ZBED1: variants seen among roughly 807,000 people sequenced by gnomAD.
ZBED1 encodes the protein zinc finger BED-type containing 1.
ZBED1 carries 19 observed loss-of-function variants against 49.7 expected under a neutral mutation model. The ratio of observed to expected loss-of-function variants is 0.38; its 90% CI spans 0.27 to 0.56. The LOEUF is 0.56. Ranked by LOEUF, ZBED1 falls within the 20% of genes least tolerant of loss-of-function variation. The pLI is 0.70. For missense variants in ZBED1, 806 were observed against 972.6 expected (o/e 0.83, Z 2.28); for synonymous variants, 439 against 440.3 (o/e 1.00, Z 0.04).
Position 2,488,363 on chromosome X carries a change from CG to C in ZBED1, c.*271del, listed in dbSNP as rs1366881447. ...CTAATTTTTGTATTTTTAGTAGAGA[CG>C]GGGTTTCGCCATGTTGGCCAGGCTG... On this transcript the variant is annotated 3_prime_UTR_variant, in exon 2 of 2. Transcript: ENST00000652001. 1.8e-4 allele frequency: 78 copies of C among 424,394 alleles called. No individual in the cohort carries two copies. The highest frequency in any genetic ancestry group is 3.0e-4 in the Non-Finnish European group (73 of 243,656). The allele number at this position is 424,394 out of a possible 1,614,324, so 26.3% of individuals were successfully genotyped here.
At position 2,488,728 on chromosome X, in the gene ZBED1, C is replaced by A. The variant is rs760406358; in HGVS notation, c.1992G>T (p.Glu664Asp). 5.0e-6 allele frequency: 8 copies of A among 1,613,970 alleles called. No individual in the cohort carries two copies. The South Asian group carries it at 5.5e-5, about 11-fold the overall frequency. The change falls in exon 2 of 2, where the codon GAG becomes GAT. Residue 664 changes from glutamate (E) to aspartate (D), a missense_variant. By Grantham distance (45) the Glu-to-Asp change is conservative. This residue lies in a region of ZBED1 where 749 missense variants were observed against 861.3 expected (regional missense o/e 0.87). Coordinates refer to ENST00000652001, the MANE Select transcript of ZBED1 (RefSeq NM_001171136.2). ...GCTCCTGGTCCAGGCCCCACTCCCC[C>A]TCGTCCTGGTCCTCGGGTTCCGCCT... ...GAEAEPEDQD[E>D]GEWGLDQEQV... is the part of the protein sequence containing the mutation.
chrX:2,492,785 C>T (rs1256689973), intron 1 of ZBED1, among the ~76,000 whole-genome samples: 4 of 152,204 alleles, frequency 2.6e-5, no homozygotes, highest in African/African-American at 9.7e-5. Flanking sequence ...GGAGGGAGCG[C>T]AGCCCTGAGA....
Position 2,489,141 on chromosome X carries a change from G to A in ZBED1, c.1579C>T (p.Pro527Ser), listed in dbSNP as rs2045045816. 2 of 1,613,486 alleles carry A rather than the reference G, an allele frequency of 1.2e-6. No homozygotes were observed. The highest frequency in any genetic ancestry group is 2.2e-5 in the East Asian group (1 of 44,894). Reference sequence around the variant, plus strand: ...GTCCGCATGAGCTTCTTGACGGGAGGCTCCTCGGGCACCGGGAAGATCTTG... The same window carrying A: ...GTCCGCATGAGCTTCTTGACGGGAGACTCCTCGGGCACCGGGAAGATCTTG... ...EDKIFPVPEE[P>S]PVKKLMRTST... Residue 527 changes from proline (P) to serine (S), a missense_variant, in exon 2 of 2, where the codon CCT (proline) becomes TCT (serine). Around this residue, in one of 2 missense-constraint regions of ZBED1, gnomAD observed 749 missense variants for 861.3 expected, o/e 0.87. Coordinates refer to ENST00000652001, the MANE Select transcript of ZBED1 (RefSeq NM_001171136.2).
At position 2,489,311 on chromosome X, in the gene ZBED1, T is replaced by C; in HGVS notation, c.1409A>G (p.Asn470Ser). The C allele has an allele frequency of 1.2e-6, 2 of 1,613,852 alleles. No homozygotes were observed. The highest frequency in any genetic ancestry group is 1.1e-5 in the South Asian group (1 of 91,046). ...GCGGGGGTCCAGGAAGGTGGCCACG[T>C]TGAGAAACATGTCGATCTCGGGCGT... Reference protein sequence around the residue: ...QETPEIDMFLNVATFLDPRYK... With the variant: ...QETPEIDMFLSVATFLDPRYK... Residue 470 changes from asparagine (N) to serine (S), a missense_variant, in exon 2 of 2, where the codon AAC becomes AGC. Physicochemically the swap from Asn to Ser is conservative, Grantham distance 46 (BLOSUM62 1). Coordinates refer to ENST00000652001, the MANE Select transcript of ZBED1 (RefSeq NM_001171136.2).
chrX:2,499,677 T>C (rs1467724092), intron 1 of ZBED1, among the ~76,000 whole-genome samples: 4 of 151,728 alleles, frequency 2.6e-5, no homozygotes, highest in African/African-American at 9.7e-5. Flanking sequence ...GGGACCCAGG[T>C]AGGAGGATTG....
chrX:2,490,617 C>A lies in ZBED1; in HGVS notation c.103G>T (p.Ala35Ser). 3 of 1,613,946 alleles carry A rather than the reference C, an allele frequency of 1.9e-6. No individual in the cohort carries two copies. The highest frequency in any genetic ancestry group is 2.5e-6 in the Non-Finnish European group (3 of 1,179,872). ...TTCCACTGCAGGATGCATCCCTCGG[C>A]GTTGGTGTCGAAGCCGAAATACTTC... ...VWKYFGFDTN[A>S]EGCILQWKKI... The change falls in exon 2 of 2, where the codon GCC becomes TCC. Residue 35 changes from alanine to serine, a missense_variant. Transcript: ENST00000652001.
In ZBED1 at chrX:2,500,899, C is replaced by T; in HGVS notation, c.-136G>A. The T allele has an allele frequency of 8.9e-7, 1 of 1,126,698 alleles. No homozygotes were observed. The highest frequency in any genetic ancestry group is 5.1e-5 in the East Asian group (1 of 19,436). The allele number at this position is 1,126,698 out of a possible 1,614,324, so 69.8% of individuals were successfully genotyped here. On this transcript the variant is annotated 5_prime_UTR_variant, in exon 1 of 2. Transcript: ENST00000652001. ...CGCCTACCGCGTAGACCCGCAGGGC[C>T]GCCCGCGCCGCAGACAATGGCGACA...
Position 2,487,211 on chromosome X carries a change from T to C in ZBED1, c.*1424A>G, listed in dbSNP as rs761605657. On this transcript the variant is annotated 3_prime_UTR_variant, in exon 2 of 2. Coordinates refer to ENST00000652001, the MANE Select transcript of ZBED1 (RefSeq NM_001171136.2). ...TCCGGGGGCAATATTTTAAAATTCATTTCCCCTATGGTATTCAGTTTAAAA... is the reference window on the plus strand; with the variant it reads ...TCCGGGGGCAATATTTTAAAATTCACTTCCCCTATGGTATTCAGTTTAAAA... 6.6e-6 allele frequency: 1 copy of C among 152,380 alleles called. No individual in the cohort carries two copies. Among genetic ancestry groups the C allele is most frequent in the South Asian group, 2.1e-4 (1 of 4,834 alleles). 9.4% of individuals were successfully genotyped at this position (152,380 alleles called of 1,614,324 possible). A position where few individuals can be genotyped will look rare whatever the true frequency, so the allele number is the denominator to read the frequency against.
rs1447315914 is a variant in ZBED1 at position 2,487,997 on chromosome X, C to T, written c.*638G>A. 1 of 151,834 alleles carries T rather than the reference C, an allele frequency of 6.6e-6. No individual in the cohort carries two copies. The highest frequency in any genetic ancestry group is 1.5e-5 in the Non-Finnish European group (1 of 68,018). The allele number at this position is 151,834 out of a possible 1,614,324, so 9.4% of individuals were successfully genotyped here. A position where few individuals can be genotyped will look rare whatever the true frequency, so the allele number is the denominator to read the frequency against. On this transcript the variant is annotated 3_prime_UTR_variant, in exon 2 of 2. Transcript: ENST00000652001. The stretch of plus-strand genomic sequence containing the variant: ...AGAATGTTCCTGCGTTTCTTCTAAA[C>T]CCTCCCAGGGAGAACTCGAATCAGA...
In ZBED1 at chrX:2,489,299, A is replaced by G; in HGVS notation, c.1421T>C (p.Phe474Ser). 4 of 1,613,828 alleles carry G rather than the reference A, an allele frequency of 2.5e-6. No homozygotes were observed. The highest frequency in any genetic ancestry group is 3.4e-6 in the Non-Finnish European group (4 of 1,179,816). ...CAGCCTCTTGTAGCGGGGGTCCAGG[A>G]AGGTGGCCACGTTGAGAAACATGTC... ...EIDMFLNVAT[F>S]LDPRYKRLPF... is the part of the protein sequence containing the mutation. The change falls in exon 2 of 2, where the codon TTC becomes TCC. Residue 474 changes from phenylalanine to serine, a missense_variant. Coordinates refer to ENST00000652001, the MANE Select transcript of ZBED1 (RefSeq NM_001171136.2).
intron 1 of ZBED1, among the ~76,000 whole-genome samples, chrX:2,496,075 A>C (rs1183750743): frequency 6.6e-6 from 1 of 152,336 alleles, no homozygotes; most frequent in East Asian, 1.9e-4. Context: ...AAGGGTACCA[A>C]GTTTCTGTTC....
Position 2,489,265 on chromosome X carries a change from G to A in ZBED1, c.1455C>T (p.Leu485=), listed in dbSNP as rs1185444685. ...CCACCTGCTGCCGCTCGAAGGCGGA[G>A]AGGAAGGGCAGCCTCTTGTAGCGGG... The part of the protein sequence containing the change: ...LDPRYKRLPF[L]SAFERQQVEN... The change falls in exon 2 of 2, where the codon CTC becomes CTT. Residue 485 remains leucine, a synonymous_variant. Coordinates refer to ENST00000652001, the MANE Select transcript of ZBED1 (RefSeq NM_001171136.2). 5 of 1,613,990 alleles carry A rather than the reference G, an allele frequency of 3.1e-6. No individual in the cohort carries two copies. Among genetic ancestry groups the A allele is most frequent in the Non-Finnish European group, 4.2e-6 (5 of 1,179,860 alleles).
chrX:2,499,716 G>C (rs1035016267), intron 1 of ZBED1, among the ~76,000 whole-genome samples: 6 of 152,124 alleles, frequency 3.9e-5, no homozygotes, highest in Non-Finnish European at 5.9e-5. Context: ...AGACCAGCCT[G>C]GGCAACGTAG....
Sources: allele counts gnomAD v4.1 joint callset (sites outside exome capture counted in the v4.1 genomes callset), GRCh38; gene constraint gnomAD v4.1.1; regional missense constraint gnomAD v4.1.1; transcripts MANE v1.5; gene names NCBI Gene and HGNC (gene_info 2026-07-23, HGNC 2026-07-21).